The following WDPCP variants were observed in gnomAD, a reference collection of about 807,000 sequenced individuals.
WDPCP encodes the protein WD repeat containing planar cell polarity effector, also known as WD repeat-containing and planar cell polarity effector protein fritz homolog.
Under a neutral mutation model 93.1 loss-of-function variants are expected in WDPCP, and 71 were observed. The observed-to-expected ratio is 0.76, with a 90% CI of 0.63 to 0.93. WDPCP has a LOEUF of 0.93. Ranked by LOEUF, WDPCP falls within the 40% of genes least tolerant of loss-of-function variation. The probability of loss-of-function intolerance (pLI) is 0.00; values close to 1 mark genes in which losing one functional copy is unlikely to be tolerated. For synonymous variants in WDPCP, 315 were observed against 315.0 expected, an observed-to-expected ratio of 1.00 and a Z score of 0.00; for missense variants, 844 against 887.4, an observed-to-expected ratio of 0.95 and a Z score of 0.62.
intron 17 of WDPCP, among the ~76,000 whole-genome samples, chr2:63,135,403 C>T (rs1476547330): frequency 6.6e-6 from 1 of 152,168 alleles, no homozygotes; most frequent in African/African-American, 2.4e-5. Context: ...GCGATCTTGG[C>T]TCACTGCCAC....
At chr2:63,581,857 A>G (rs1708517238) in intron 1 of WDPCP, among the ~76,000 whole-genome samples, 1 of 152,000 alleles carries the variant, frequency 6.6e-6, no homozygotes, top group East Asian at 1.9e-4. Flanking sequence ...AAACTACAAG[A>G]AATTAGCCAG....
At chr2:63,583,299 T>C (rs767705651) in intron 1 of WDPCP, among the ~76,000 whole-genome samples, 5 of 152,104 alleles carry the variant, frequency 3.3e-5, no homozygotes, top group African/African-American at 7.2e-5. Flanking sequence ...TTTCAATTCA[T>C]CAAAAAGAAG....
intron 2 of WDPCP, among the ~76,000 whole-genome samples, chr2:63,758,215 A>G (rs752800588): frequency 2.0e-5 from 3 of 152,100 alleles, no homozygotes; most frequent in Admixed American, 6.6e-5. Context: ...ACTGAATTGG[A>G]AAGAGTTCTC....
upstream of WDPCP, among the ~76,000 whole-genome samples, chr2:63,829,951 T>C (rs72891008): frequency 0.12 from 18,280 of 152,070 alleles, 1,468 homozygotes; most frequent in African/African-American, 0.23. Context: ...TAGGTGTCAA[T>C]GTCAAATGGA....
chr2:63,349,532 ACAT>A lies in WDPCP; in HGVS notation c.1748+28851_1748+28853del, dbSNP rs1191554600. 7.9e-5 allele frequency among the ~76,000 whole-genome samples: 12 copies of A among 152,286 alleles called. No individual in the cohort carries two copies. The East Asian group carries it at 2.1e-3, about 27-fold the overall frequency. On this transcript the variant is annotated intron_variant, in intron 12 of 17. Transcript: ENST00000272321. ...ATAAATTATTTCTGATTAAATTATA[ACAT>A]CATACAAAAATTAAAGGTTTATTGG...
chr2:63,571,321 A>G (rs1707483620), intron 1 of WDPCP: 2 of 447,762 alleles, frequency 4.5e-6, no homozygotes, highest in African/African-American at 4.1e-5. Flanking sequence ...ATAATTTTTA[A>G]ACTTAGTCAT....
At chr2:63,811,085 C>G (rs996520847) in intron 2 of WDPCP, among the ~76,000 whole-genome samples, 29 of 152,124 alleles carry the variant, frequency 1.9e-4, no homozygotes, top group African/African-American at 7.0e-4. Flanking sequence ...TTGGCAGAAA[C>G]CAGGCTTCAC....
In WDPCP at chr2:63,266,878, A is replaced by C. The variant is rs1228019546; in HGVS notation, c.1813-7469T>G. The stretch of plus-strand genomic sequence containing the variant: ...TATCCCATATTCATGGATTAGTAGA[A>C]ACAGTAGTGTTAAAATGTTCATACT... On this transcript the variant is annotated intron_variant, in intron 13 of 17. Coordinates refer to ENST00000272321, the MANE Select transcript of WDPCP (RefSeq NM_015910.7). Among the ~76,000 whole-genome samples the C allele has an allele frequency of 3.9e-5, 6 of 152,198 alleles. No homozygotes were observed. In the East Asian group the frequency reaches 1.2e-3, roughly 29 times the overall value.
chr2:63,395,068 TGACC>T (rs1349868342), intron 10 of WDPCP, among the ~76,000 whole-genome samples: 1 of 152,104 alleles, frequency 6.6e-6, no homozygotes, highest in Non-Finnish European at 1.5e-5. Flanking sequence ...ATTGACATAA[TGACC>T]TACTGCTCAG....
At chr2:63,361,073 C>T (rs1257382896) in intron 12 of WDPCP, among the ~76,000 whole-genome samples, 1 of 152,046 alleles carries the variant, frequency 6.6e-6, no homozygotes. Context: ...AGAGTGTTTT[C>T]GTGACAAGAT....
intron 13 of WDPCP, among the ~76,000 whole-genome samples, chr2:63,259,687 AAT>A (rs1230007550): frequency 6.6e-6 from 1 of 152,182 alleles, no homozygotes; most frequent in Non-Finnish European, 1.5e-5. Flanking sequence ...TTTGTCAGGG[AAT>A]AAAAATGTTA....
chr2:63,455,806 T>C (rs74490881), intron 6 of WDPCP, among the ~76,000 whole-genome samples: 10,688 of 152,178 alleles, frequency 0.07, 1,162 homozygotes, highest in African/African-American at 0.23. Context: ...AATATTGGAC[T>C]TAAACCAGAC....
At chr2:63,266,733 G>A (rs114574299) in intron 13 of WDPCP, among the ~76,000 whole-genome samples, 2,578 of 152,218 alleles carry the variant, frequency 0.017, 80 homozygotes, top group African/African-American at 0.059. Context: ...TTGAACTCGG[G>A]GGGTGGAGGC....
Position 63,789,271 on chromosome 2 carries a change from T to C in WDPCP, n.308+24351A>G, listed in dbSNP as rs139623766. The stretch of plus-strand genomic sequence containing the variant: ...TAAATTTGTCACAATTTTTTTTCTC[T>C]TATTCATTTTCATACCAATTTTGGT... On this transcript the variant is annotated intron_variant and non_coding_transcript_variant, in intron 2 of 4. Coordinates refer to the WDPCP transcript ENST00000467687. 3.9e-5 allele frequency among the ~76,000 whole-genome samples: 6 copies of C among 152,336 alleles called. No individual in the cohort carries two copies. The East Asian group carries it at 1.2e-3, about 29-fold the overall frequency.
intron 9 of WDPCP, among the ~76,000 whole-genome samples, chr2:63,429,931 CA>C (rs1696606145): frequency 6.6e-6 from 1 of 151,074 alleles, no homozygotes; most frequent in Non-Finnish European, 1.5e-5. Context: ...ACATGGAATC[CA>C]CCCAGGTGCC....
intron 1 of WDPCP, among the ~76,000 whole-genome samples, chr2:63,821,827 C>G (rs557382506): frequency 2.0e-5 from 3 of 152,128 alleles, no homozygotes; most frequent in African/African-American, 7.2e-5. Context: ...TTGAGGATAT[C>G]AAAGGATTTC....
intron 12 of WDPCP, among the ~76,000 whole-genome samples, chr2:63,321,844 T>C (rs1026113906): frequency 6.6e-6 from 1 of 152,246 alleles, no homozygotes; most frequent in Non-Finnish European, 1.5e-5. Flanking sequence ...CTCAAGTATG[T>C]ATAATTAATG....
chr2:63,565,855 T>C (rs192607858), intron 1 of WDPCP, among the ~76,000 whole-genome samples: 165 of 152,308 alleles, frequency 1.1e-3, no homozygotes, highest in African/African-American at 3.7e-3. Context: ...TCTCCCTCTC[T>C]CTCACCATCT....
chr2:63,526,193 A>G (rs572139541), intron 1 of WDPCP, among the ~76,000 whole-genome samples: 1 of 152,152 alleles, frequency 6.6e-6, no homozygotes, highest in East Asian at 1.9e-4. Context: ...CCTATAACCA[A>G]GTCTTGAAGT....
Sources: allele counts gnomAD v4.1 joint callset (sites outside exome capture counted in the v4.1 genomes callset), GRCh38; gene constraint gnomAD v4.1.1; transcripts MANE v1.5; gene names NCBI Gene and HGNC (gene_info 2026-07-23, HGNC 2026-07-21).